Variants in ROBO1 observed in about 807,000 individuals in gnomAD.
The protein encoded by ROBO1 is roundabout homolog 1.
ROBO1 carries 149 observed loss-of-function variants against 195.9 expected under a neutral mutation model. That is an observed-to-expected ratio of 0.76 (90% CI 0.67 to 0.87). The LOEUF (loss-of-function observed/expected upper bound fraction) is 0.87. ROBO1 is among the 40% of genes least tolerant of loss of function. The probability of loss-of-function intolerance (pLI) is 0.00; values close to 1 mark genes in which losing one functional copy is unlikely to be tolerated. For synonymous variants in ROBO1, 816 were observed against 733.2 expected (o/e 1.11, Z -1.82); for missense variants, 1,933 against 2,068.3 (o/e 0.93, Z 1.27).
intron 2 of ROBO1, among the ~76,000 whole-genome samples, chr3:79,221,523 T>C (rs529474947): frequency 6.6e-6 from 1 of 152,244 alleles, no homozygotes; most frequent in Non-Finnish European, 1.5e-5. Flanking sequence ...TTTTCTTGAA[T>C]TTTTATAGCT....
At chr3:79,524,427 T>C (rs1000826869) in intron 2 of ROBO1, among the ~76,000 whole-genome samples, 12 of 152,168 alleles carry the variant, frequency 7.9e-5, no homozygotes, top group African/African-American at 2.6e-4. Flanking sequence ...TAGTTTCTAC[T>C]TGAATCAGAT....
At position 78,711,364 on chromosome 3, in the gene ROBO1, TTCCTTC is replaced by T. The variant is rs1559772993; in HGVS notation, c.1045+3027_1045+3032del. ...CCTTCCTTCCTCCTTCCTTCCTTCC[TTCCTTC>T]CTTCCTTCCTTCCTTCCTTCCTTCC... On this transcript the variant is annotated intron_variant, in intron 8 of 30. Transcript: ENST00000464233. Among the ~76,000 whole-genome samples, 33 of 39,644 alleles carry T rather than the reference TTCCTTC, an allele frequency of 8.3e-4. 1 individual carries two copies. Among genetic ancestry groups the T allele is most frequent in the African/African-American group, 3.5e-3 (32 of 9,202 alleles). 26.0% of individuals were successfully genotyped at this position (39,644 alleles called of 152,430 possible).
In ROBO1 at chr3:78,787,360, T is replaced by C. The variant is rs147796144; in HGVS notation, c.500-40460A>G. Reference sequence around the variant, plus strand: ...GTGATTTAGGACATAAAAAGCAGTATTTTACATAGTGAAATTCAAATACTG... The same window carrying C: ...GTGATTTAGGACATAAAAAGCAGTACTTTACATAGTGAAATTCAAATACTG... On this transcript the variant is annotated intron_variant, in intron 4 of 30. Coordinates refer to ENST00000464233, the MANE Select transcript of ROBO1 (RefSeq NM_002941.4). Among the ~76,000 whole-genome samples the C allele has an allele frequency of 1.8e-4, 27 of 152,318 alleles. No homozygotes were observed. The East Asian group carries it at 4.2e-3, about 24-fold the overall frequency.
intron 2 of ROBO1, among the ~76,000 whole-genome samples, chr3:79,568,076 C>G (rs1943148456): frequency 1.3e-5 from 2 of 152,070 alleles, no homozygotes; most frequent in African/African-American, 4.8e-5. Context: ...TAAATATCCA[C>G]AATCTCACCT....
chr3:79,560,521 T>TATA (rs1173912130), intron 2 of ROBO1, among the ~76,000 whole-genome samples: 1 of 116,356 alleles, frequency 8.6e-6, no homozygotes, highest in Non-Finnish European at 1.7e-5. Context: ...AAACTTAAAG[T>TATA]ATAATAATAA....
intron 2 of ROBO1, among the ~76,000 whole-genome samples, chr3:79,506,177 T>C (rs114104851): frequency 1.0e-3 from 158 of 152,138 alleles, no homozygotes; most frequent in African/African-American, 3.7e-3. Flanking sequence ...TTTGAGATTT[T>C]ATGATGAGAA....
chr3:79,185,784 T>G (rs2081427566), intron 2 of ROBO1, among the ~76,000 whole-genome samples: 1 of 152,172 alleles, frequency 6.6e-6, no homozygotes, highest in Non-Finnish European at 1.5e-5. Flanking sequence ...AAATGTTTCA[T>G]CTTGTGACAT....
rs536797843 is a variant in ROBO1, at chr3:79,223,252, T to C, written c.89-97713A>G. The stretch of plus-strand genomic sequence containing the variant: ...ACTAGAGGATCAGAGAATGTTTACC[T>C]GAACCACAGAAAAAATTATTTCTGA... On this transcript the variant is annotated intron_variant, in intron 2 of 30. Transcript: ENST00000464233. Among the ~76,000 whole-genome samples, 23 of 152,272 alleles carry C rather than the reference T, an allele frequency of 1.5e-4. No individual in the cohort carries two copies. The South Asian group carries it at 2.5e-3, about 16-fold the overall frequency.
chr3:78,664,635 T>A (rs958635643), intron 14 of ROBO1, among the ~76,000 whole-genome samples: 3 of 152,222 alleles, frequency 2.0e-5, no homozygotes, highest in African/African-American at 7.2e-5. Context: ...GTGCCCTATA[T>A]CTGTGCACCT....
intron 3 of ROBO1, among the ~76,000 whole-genome samples, chr3:78,983,467 C>CA (rs1363576771): frequency 6.6e-6 from 1 of 152,210 alleles, no homozygotes; most frequent in African/African-American, 2.4e-5. Flanking sequence ...TCTCAATTCT[C>CA]AGAGTTCAGG....
Position 78,618,027 on chromosome 3 carries a change from C to T in ROBO1, c.3890G>A (p.Ser1297Asn). 6.2e-7 allele frequency: 1 copy of T among 1,611,908 alleles called. No individual in the cohort carries two copies. Among genetic ancestry groups the T allele is most frequent in the Non-Finnish European group, 8.5e-7 (1 of 1,178,776 alleles). ...GATCGGCCGTGGTGGTGGAGGAGGACTCACAGGCTGCCGTCTGTATGAAGA... is the reference window on the plus strand; with the variant it reads ...GATCGGCCGTGGTGGTGGAGGAGGATTCACAGGCTGCCGTCTGTATGAAGA... ...HQPDRRRQPV[S>N]PPPPPRPISP... The change falls in exon 27 of 31, where the codon AGT (serine) becomes AAT (asparagine). Residue 1297 changes from serine to asparagine, a missense_variant. Around this residue, in one of 3 missense-constraint regions of ROBO1, gnomAD observed 1,737 missense variants for 1,882.5 expected, o/e 0.92. Transcript: ENST00000464233.
chr3:78,968,900 T>C (rs1388045135), intron 3 of ROBO1, among the ~76,000 whole-genome samples: 2 of 152,212 alleles, frequency 1.3e-5, no homozygotes, highest in East Asian at 3.8e-4. Flanking sequence ...CTGTATTTTA[T>C]CTTAATGAAT....
At chr3:79,242,474 G>T (rs72898004) in intron 2 of ROBO1, among the ~76,000 whole-genome samples, 3,363 of 152,098 alleles carry the variant, frequency 0.022, 107 homozygotes, top group African/African-American at 0.077. Flanking sequence ...TATGTTCTTT[G>T]CTCAGAGGAA....
intron 21 of ROBO1, among the ~76,000 whole-genome samples, chr3:78,645,711 T>G (rs1473173068): frequency 1.3e-5 from 2 of 152,100 alleles, no homozygotes; most frequent in East Asian, 3.9e-4. Flanking sequence ...AATGGGGAAG[T>G]GAACTATGTT....
chr3:78,775,656 A>G (rs1427849983), intron 4 of ROBO1, among the ~76,000 whole-genome samples: 2 of 152,212 alleles, frequency 1.3e-5, no homozygotes, highest in African/African-American at 2.4e-5. Flanking sequence ...GCTTTAAAGC[A>G]TTCAGAGCTT....
chr3:78,617,993 T>C lies in ROBO1; in HGVS notation c.3924A>G (p.Pro1308=). 6.2e-7 allele frequency: 1 copy of C among 1,613,800 alleles called. No individual in the cohort carries two copies. Among genetic ancestry groups the C allele is most frequent in the African/African-American group, 1.3e-5 (1 of 75,018 alleles). The part of the protein sequence containing the change: ...PPPPPRPISP[P]HTYGYISGPL... Reference sequence around the variant, plus strand: ...GTCCTGAAATGTAGCCATAGGTATGTGGAGGGGAGATCGGCCGTGGTGGTG... The same window carrying C: ...GTCCTGAAATGTAGCCATAGGTATGCGGAGGGGAGATCGGCCGTGGTGGTG... The change falls in exon 27 of 31, where the codon CCA becomes CCG. Residue 1308 remains proline, a synonymous_variant. Transcript: ENST00000464233.
chr3:79,098,288 G>A (rs1343941649), intron 3 of ROBO1, among the ~76,000 whole-genome samples: 1 of 151,770 alleles, frequency 6.6e-6, no homozygotes, highest in East Asian at 1.9e-4. Flanking sequence ...CTTTACTAGA[G>A]ACAGTAATCC....
chr3:78,840,071 C>T (rs1184405984), intron 4 of ROBO1, among the ~76,000 whole-genome samples: 1 of 152,120 alleles, frequency 6.6e-6, no homozygotes, highest in African/African-American at 2.4e-5. Flanking sequence ...AATAAATGGA[C>T]CTTAGGCAGC....
intron 2 of ROBO1, among the ~76,000 whole-genome samples, chr3:79,251,451 A>T (rs185988853): frequency 6.6e-6 from 1 of 152,126 alleles, no homozygotes; most frequent in African/African-American, 2.4e-5. Flanking sequence ...AACATGTTGC[A>T]TTAAAAATTT....
Sources: gnomAD v4.1 joint callset for allele counts (sites outside exome capture counted in the v4.1 genomes callset) on GRCh38, gnomAD v4.1.1 for gene constraint, gnomAD v4.1.1 regional missense constraint, MANE v1.5 for transcripts, NCBI Gene and HGNC (gene_info 2026-07-23, HGNC 2026-07-21) for gene names.